Variants in SLC9A1 observed in about 807,000 individuals in gnomAD.
SLC9A1 encodes the protein sodium/hydrogen exchanger 1.
A neutral mutation model predicts 67.9 loss-of-function variants in SLC9A1; 22 were observed. The ratio of observed to expected loss-of-function variants is 0.32; its 90% CI spans 0.23 to 0.46. The LOEUF (loss-of-function observed/expected upper bound fraction) is 0.46, where lower values mean the gene tolerates loss of function less well. Ranked by LOEUF, SLC9A1 falls within the 20% of genes least tolerant of loss-of-function variation. The pLI, the probability that SLC9A1 is intolerant of heterozygous loss-of-function variation, is 1.00. For missense variants in SLC9A1, 686 were observed against 1,094.8 expected (o/e 0.63, Z 5.27); for synonymous variants, 421 against 471.8 (o/e 0.89, Z 1.40).
chr1:27,141,827 T>C (rs75214201), intron 1 of SLC9A1, among the ~76,000 whole-genome samples: 1 of 152,226 alleles, frequency 6.6e-6, no homozygotes, highest in Non-Finnish European at 1.5e-5. Context: ...AACGCCTACC[T>C]GGTACAGCAT....
At chr1:27,127,091 C>G (rs1484651659) in intron 1 of SLC9A1, among the ~76,000 whole-genome samples, 1 of 152,198 alleles carries the variant, frequency 6.6e-6, no homozygotes, top group African/African-American at 2.4e-5. Flanking sequence ...GCCTTGACTT[C>G]CTGGGCTCAA....
At chr1:27,151,145 G>A (rs1246768970) in intron 1 of SLC9A1, among the ~76,000 whole-genome samples, 1 of 152,184 alleles carries the variant, frequency 6.6e-6, no homozygotes, top group African/African-American at 2.4e-5. Context: ...ATTGGTGGCA[G>A]CCTAGGTTTG....
At position 27,109,421 on chromosome 1, in the gene SLC9A1, A is replaced by C. The variant is rs978760154; in HGVS notation, c.1064+106T>G. The stretch of plus-strand genomic sequence containing the variant: ...AGTTCATGTCTCATCCCTGGAGCTC[A>C]AGGCTGGGCCCTGGGAGCTCCGTGA... On this transcript the variant is annotated intron_variant, in intron 3 of 11. Transcript: ENST00000263980. This position sits in a 1 kb window ranked among gnomAD's most constrained non-coding sequence, Gnocchi z 5.5. 1 of 1,257,480 alleles carries C rather than the reference A, an allele frequency of 8.0e-7. No individual in the cohort carries two copies. 77.9% of individuals were successfully genotyped at this position (1,257,480 alleles called of 1,614,324 possible).
rs2124133367 is a variant in SLC9A1, at chr1:27,104,127, G to A, written c.1486-815C>T. ...GATGGAGTCTTGCTCTGTCACCCAG[G>A]CTGGAGTGCAGTGGTGCGATTTCAG... On this transcript the variant is annotated intron_variant, in intron 5 of 11. Transcript: ENST00000263980. 3 of 146,984 alleles carry A rather than the reference G, an allele frequency of 2.0e-5. No individual in the cohort carries two copies. The South Asian group carries it at 6.5e-4, about 32-fold the overall frequency. The allele number at this position is 146,984 out of a possible 1,614,324, so 9.1% of individuals were successfully genotyped here.
Position 27,118,127 on chromosome 1 carries a change from G to A in SLC9A1, c.353-3841C>T, listed in dbSNP as rs919914924. Among the ~76,000 whole-genome samples, 3 of 152,202 alleles carry A rather than the reference G, an allele frequency of 2.0e-5. No individual in the cohort carries two copies. Among genetic ancestry groups the A allele is most frequent in the African/African-American group, 7.2e-5 (3 of 41,458 alleles). On this transcript the variant is annotated intron_variant, in intron 1 of 11. Coordinates refer to ENST00000263980, the MANE Select transcript of SLC9A1 (RefSeq NM_003047.5). The surrounding 1 kb of genome is among the most constrained non-coding windows in gnomAD (Gnocchi z 4.3). ...TCCTTCTCCTTCAGCCAGCTCCAGA[G>A]TACCTGGGGCTGGAGCCATGTTCCT...
Position 27,137,409 on chromosome 1 carries a change from G to A in SLC9A1, c.352+16574C>T, listed in dbSNP as rs1197176691. On this transcript the variant is annotated intron_variant, in intron 1 of 11. Coordinates refer to ENST00000263980, the MANE Select transcript of SLC9A1 (RefSeq NM_003047.5). This position sits in a 1 kb window ranked among gnomAD's most constrained non-coding sequence, Gnocchi z 4.6. ...CTCTGTGAGCTGAGGGGGATGGGCC[G>A]GGCTCTGTCATCATGTCAGACATTT... Among the ~76,000 whole-genome samples, 1 of 152,202 alleles carries A rather than the reference G, an allele frequency of 6.6e-6. No homozygotes were observed. The highest frequency in any genetic ancestry group is 1.5e-5 in the Non-Finnish European group (1 of 68,036).
chr1:27,101,342 C>T lies in SLC9A1; in HGVS notation c.2038-67G>A, dbSNP rs2083143245. ...AGAGGGAGCCCCTCAGGACAGAACCCGGCCAGTGCACACCCCACCTTTCGT... is the reference window on the plus strand; with the variant it reads ...AGAGGGAGCCCCTCAGGACAGAACCTGGCCAGTGCACACCCCACCTTTCGT... On this transcript the variant is annotated intron_variant, in intron 10 of 11. Transcript: ENST00000263980. This position sits in a 1 kb window ranked among gnomAD's most constrained non-coding sequence, Gnocchi z 4.9. 11 of 1,265,792 alleles carry T rather than the reference C, an allele frequency of 8.7e-6. No homozygotes were observed. Among genetic ancestry groups the T allele is most frequent in the Admixed American group, 8.7e-5 (5 of 57,760 alleles). 78.4% of individuals were successfully genotyped at this position (1,265,792 alleles called of 1,614,324 possible).
chr1:27,101,414 C>T lies in SLC9A1; in HGVS notation c.2038-139G>A, dbSNP rs554015874. On this transcript the variant is annotated intron_variant, in intron 10 of 11. Coordinates refer to ENST00000263980, the MANE Select transcript of SLC9A1 (RefSeq NM_003047.5). The surrounding 1 kb of genome is among the most constrained non-coding windows in gnomAD (Gnocchi z 4.9). ...CCTCCCTTGTGCCTGTGTGGGCACC[C>T]GTACTGGCCCCTCAGGAGCTCCTAA... 10 of 681,046 alleles carry T rather than the reference C, an allele frequency of 1.5e-5. No individual in the cohort carries two copies. Among genetic ancestry groups the T allele is most frequent in the South Asian group, 3.5e-5 (2 of 57,932 alleles). 42.2% of individuals were successfully genotyped at this position (681,046 alleles called of 1,614,324 possible). A position where few individuals can be genotyped will look rare whatever the true frequency, so the allele number is the denominator to read the frequency against.
chr1:27,142,450 G>A (rs1368926969), intron 1 of SLC9A1, among the ~76,000 whole-genome samples: 1 of 152,238 alleles, frequency 6.6e-6, no homozygotes, highest in Non-Finnish European at 1.5e-5. Context: ...TAGAAGCAGA[G>A]TGAGAACAGA....
At position 27,101,050 on chromosome 1, in the gene SLC9A1, C is replaced by T. The variant is rs879422526; in HGVS notation, c.2110+153G>A. On this transcript the variant is annotated intron_variant, in intron 11 of 11. Transcript: ENST00000263980. This position sits in a 1 kb window ranked among gnomAD's most constrained non-coding sequence, Gnocchi z 4.9. ...CTCTCTCCCTAGGGATGGCCCCTGA[C>T]GTAGAAGCAGCTCATGGCTTGGGAG... Among the ~76,000 whole-genome samples the T allele has an allele frequency of 3.3e-5, 5 of 152,216 alleles. No homozygotes were observed. The highest frequency in any genetic ancestry group is 4.8e-5 in the African/African-American group (2 of 41,460).
chr1:27,107,386 CCA>C (rs749094075), intron 4 of SLC9A1, among the ~76,000 whole-genome samples: 116 of 149,510 alleles, frequency 7.8e-4, no homozygotes, highest in African/African-American at 2.6e-3. Flanking sequence ...CCCAACCCCT[CCA>C]CACACTACAC....
At chr1:27,123,777 C>A (rs1570866116) in intron 1 of SLC9A1, among the ~76,000 whole-genome samples, 1 of 152,058 alleles carries the variant, frequency 6.6e-6, no homozygotes, top group South Asian at 2.1e-4. Context: ...TCCCAAAGTG[C>A]TGGGATTACA....
intron 4 of SLC9A1, among the ~76,000 whole-genome samples, chr1:27,107,145 C>T (rs1307911706): frequency 1.7e-5 from 2 of 119,056 alleles, no homozygotes; most frequent in Non-Finnish European, 3.7e-5. Context: ...CACACACCCA[C>T]ACCCTCACAG....
rs2083123395 is a variant in SLC9A1, at chr1:27,099,491, TG to T, written c.*815del. On this transcript the variant is annotated 3_prime_UTR_variant, in exon 12 of 12. Coordinates refer to ENST00000263980, the MANE Select transcript of SLC9A1 (RefSeq NM_003047.5). ...GAGGAGGGAGTTAGAGGCAGAGCAC[TG>T]TTCAGCCAGGGGTTTTCAAAATGTT... 1 of 152,788 alleles carries T rather than the reference TG, an allele frequency of 6.5e-6. No individual in the cohort carries two copies. The highest frequency in any genetic ancestry group is 6.5e-5 in the Admixed American group (1 of 15,280). 9.5% of individuals were successfully genotyped at this position (152,788 alleles called of 1,614,324 possible).
intron 1 of SLC9A1, among the ~76,000 whole-genome samples, chr1:27,145,600 CT>C (rs2083480219): frequency 2.0e-5 from 3 of 152,232 alleles, no homozygotes. Context: ...CTCAAACAGG[CT>C]CAGCACTGTG....
At chr1:27,140,780 C>T (rs181335859) in intron 1 of SLC9A1, among the ~76,000 whole-genome samples, 1 of 152,292 alleles carries the variant, frequency 6.6e-6, no homozygotes, top group Non-Finnish European at 1.5e-5. Context: ...TTCAGACGAT[C>T]AGTCTTGCTA....
chr1:27,139,753 C>T (rs2083442367), intron 1 of SLC9A1, among the ~76,000 whole-genome samples: 1 of 151,810 alleles, frequency 6.6e-6, no homozygotes, highest in Non-Finnish European at 1.5e-5. Flanking sequence ...CATCTCTGTG[C>T]CCTTCTCCAG....
rs909066110 is a variant in SLC9A1, at chr1:27,108,426, C to T, written c.1065-561G>A. Among the ~76,000 whole-genome samples, 6 of 150,944 alleles carry T rather than the reference C, an allele frequency of 4.0e-5. No individual in the cohort carries two copies. In the South Asian group the frequency reaches 1.3e-3, roughly 32 times the overall value. On this transcript the variant is annotated intron_variant, in intron 3 of 11. Coordinates refer to ENST00000263980, the MANE Select transcript of SLC9A1 (RefSeq NM_003047.5). Reference sequence around the variant, plus strand: ...GGCACGGTGGCTCACGCCTGTAATCCCAGCACTTTGGGAGGCCGACAAAGG... The same window carrying T: ...GGCACGGTGGCTCACGCCTGTAATCTCAGCACTTTGGGAGGCCGACAAAGG...
At chr1:27,131,978 A>ATATATATATATATATATATAT (rs1491404048) in intron 1 of SLC9A1, among the ~76,000 whole-genome samples, 2 of 142,074 alleles carry the variant, frequency 1.4e-5, no homozygotes, top group African/African-American at 5.3e-5. Context: ...ATATATATAT[A>ATATATATATATATATATATAT]AAATTATGGC....
Sources: allele counts gnomAD v4.1 joint callset (sites outside exome capture counted in the v4.1 genomes callset), GRCh38; gene constraint gnomAD v4.1.1; non-coding constraint Gnocchi (gnomAD v3.1); transcripts MANE v1.5; gene names NCBI Gene and HGNC (gene_info 2026-07-23, HGNC 2026-07-21).